TSHZ2: variants seen among roughly 807,000 people sequenced by gnomAD.
TSHZ2 encodes the protein teashirt zinc finger homeobox 2, also known as teashirt homolog 2.
In TSHZ2, 21 loss-of-function variants were observed where a neutral mutation model predicts 74.4. The observed-to-expected ratio is 0.28, with a 90% CI of 0.20 to 0.41. The LOEUF is 0.41. Among genes scored for constraint, TSHZ2 ranks in the 10% least tolerant of loss-of-function variants. The probability of loss-of-function intolerance (pLI) is 1.00; values close to 1 mark genes in which losing one functional copy is unlikely to be tolerated. For synonymous variants in TSHZ2, 540 were observed against 515.3 expected (o/e 1.05, Z -0.65); for missense variants, 1,244 against 1,293.5 (o/e 0.96, Z 0.59).
At chr20:53,022,397 A>G (rs1983277196) in intron 1 of TSHZ2, among the ~76,000 whole-genome samples, 1 of 152,210 alleles carries the variant, frequency 6.6e-6, no homozygotes, top group Non-Finnish European at 1.5e-5. Context: ...GTCAACGTGC[A>G]GTAAACTAGC....
At chr20:53,178,881 T>C (rs1254127545) in intron 1 of TSHZ2, 1 of 152,262 alleles carries the variant, frequency 6.6e-6, no homozygotes, top group South Asian at 2.1e-4. Context: ...TTTTCTTCTA[T>C]AGGAATTCCT....
chr20:53,137,700 T>C (rs1987282502), intron 1 of TSHZ2, among the ~76,000 whole-genome samples: 1 of 152,150 alleles, frequency 6.6e-6, no homozygotes, highest in Non-Finnish European at 1.5e-5. Flanking sequence ...CTCTAGCTGA[T>C]CTCTGTGCAC....
At chr20:53,070,377 T>G (rs2123194857) in intron 1 of TSHZ2, among the ~76,000 whole-genome samples, 1 of 152,328 alleles carries the variant, frequency 6.6e-6, no homozygotes, top group Non-Finnish European at 1.5e-5. Context: ...TAGCTGCCAA[T>G]TTTGTGAACT....
In TSHZ2 at chr20:53,255,630, C is replaced by G. The variant is rs751777308; in HGVS notation, c.2172C>G (p.Ser724Arg). The G allele has an allele frequency of 3.2e-6, 5 of 1,576,562 alleles. No individual in the cohort carries two copies. The highest frequency in any genetic ancestry group is 1.8e-5 in the Admixed American group (1 of 54,990). Residue 724 changes from serine (S) to arginine (R), a missense_variant, in exon 2 of 3, where the codon AGC becomes AGG. This residue lies in a region of TSHZ2 where 562 missense variants were observed against 544.0 expected (regional missense o/e 1.03). Transcript: ENST00000371497. The surrounding 1 kb of genome is among the most constrained non-coding windows in gnomAD (Gnocchi z 4.1). ...RSPSCSSPSS[S>R]TISMFHKSNL... ...CTTCCTGCTCCAGCCCAAGTTCAAG[C>G]ACAATTTCCATGTTCCACAAGTCGA...
intron 1 of TSHZ2, among the ~76,000 whole-genome samples, chr20:53,110,638 A>G (rs1453091660): frequency 2.6e-5 from 4 of 152,218 alleles, no homozygotes; most frequent in African/African-American, 9.6e-5. Context: ...GGGATATGAG[A>G]TAAAGAGTAC....
chr20:53,056,955 C>T (rs1412914736), intron 1 of TSHZ2, among the ~76,000 whole-genome samples: 1 of 152,182 alleles, frequency 6.6e-6, no homozygotes, highest in Non-Finnish European at 1.5e-5. Context: ...TGAATTGTAG[C>T]TCCCATAATT....
chr20:53,410,191 T>C (rs1368483117), intron 2 of TSHZ2, among the ~76,000 whole-genome samples: 1 of 152,096 alleles, frequency 6.6e-6, no homozygotes, highest in African/African-American at 2.4e-5. Flanking sequence ...AGAGGGCGCA[T>C]CCCAGGATGA....
intron 1 of TSHZ2, among the ~76,000 whole-genome samples, chr20:53,195,503 G>A (rs1988842048): frequency 6.6e-6 from 1 of 152,138 alleles, no homozygotes; most frequent in African/African-American, 2.4e-5. Flanking sequence ...TCCTCAGATG[G>A]TGCTTGAGGG....
intron 2 of TSHZ2, among the ~76,000 whole-genome samples, chr20:53,289,100 A>G (rs1024890425): frequency 1.8e-4 from 27 of 152,340 alleles, no homozygotes; most frequent in African/African-American, 6.5e-4. Context: ...CGTCACTTAG[A>G]ATAATGGTCT....
chr20:53,089,346 A>T (rs1357762063), intron 1 of TSHZ2, among the ~76,000 whole-genome samples: 1 of 126,178 alleles, frequency 7.9e-6, no homozygotes, highest in South Asian at 2.7e-4. Context: ...TTTTTTATTA[A>T]ACAGAGTTTT....
chr20:53,269,461 T>C (rs1990786504), intron 2 of TSHZ2, among the ~76,000 whole-genome samples: 1 of 152,202 alleles, frequency 6.6e-6, no homozygotes, highest in African/African-American at 2.4e-5. Flanking sequence ...CCAGCCACCT[T>C]GCAAAGCCCC....
intron 2 of TSHZ2, among the ~76,000 whole-genome samples, chr20:53,455,646 C>T (rs1985037170): frequency 6.6e-6 from 1 of 151,994 alleles, no homozygotes; most frequent in Admixed American, 6.6e-5. Context: ...ATGTGCCATG[C>T]TGGTGTGCTG....
chr20:53,438,613 A>C (rs543750926), intron 2 of TSHZ2, among the ~76,000 whole-genome samples: 1 of 152,306 alleles, frequency 6.6e-6, no homozygotes, highest in African/African-American at 2.4e-5. Flanking sequence ...AAGTGGGGTG[A>C]GCCCTATGGG....
intron 1 of TSHZ2, among the ~76,000 whole-genome samples, chr20:53,242,274 G>A (rs1336268213): frequency 1.3e-5 from 2 of 152,096 alleles, no homozygotes; most frequent in East Asian, 1.9e-4. Context: ...AACCAAAAAT[G>A]TCCTCAAACG....
chr20:53,456,884 T>A (rs1211091968), intron 2 of TSHZ2, among the ~76,000 whole-genome samples: 2 of 62,288 alleles, frequency 3.2e-5, no homozygotes, highest in Non-Finnish European at 5.9e-5. Flanking sequence ...GCGGCATTAT[T>A]TCTGAGGGCT....
chr20:53,371,958 C>G (rs1333474754), intron 2 of TSHZ2, among the ~76,000 whole-genome samples: 1 of 151,934 alleles, frequency 6.6e-6, no homozygotes, highest in Non-Finnish European at 1.5e-5. Flanking sequence ...CTGCCTCTAA[C>G]TTCCCCGTGA....
rs1979042004 is a variant in TSHZ2 at position 53,316,773 on chromosome 20, T to C, written c.*8+60202T>C. Among the ~76,000 whole-genome samples, 4 of 152,160 alleles carry C rather than the reference T, an allele frequency of 2.6e-5. No individual in the cohort carries two copies. In the South Asian group the frequency reaches 8.3e-4, roughly 32 times the overall value. ...TTAAGTAGTTGCTACAGGACCCGTA[T>C]CACCCACAAGGCTGACACTATTTAC... is the stretch of plus-strand genomic sequence containing the variant. On this transcript the variant is annotated intron_variant, in intron 2 of 2. Coordinates refer to ENST00000371497, the MANE Select transcript of TSHZ2 (RefSeq NM_173485.6).
At chr20:53,361,882 T>TTTG (rs1032804206) in intron 2 of TSHZ2, among the ~76,000 whole-genome samples, 6 of 150,308 alleles carry the variant, frequency 4.0e-5, no homozygotes, top group South Asian at 2.2e-4. Flanking sequence ...TTGGTTTTCT[T>TTTG]TTGTTGTTGT....
intron 2 of TSHZ2, among the ~76,000 whole-genome samples, chr20:53,403,390 G>A (rs1454264925): frequency 6.6e-6 from 1 of 152,194 alleles, no homozygotes; most frequent in African/African-American, 2.4e-5. Context: ...CACTTTACCT[G>A]AAGTTTCTCT....
Sources: allele counts gnomAD v4.1 joint callset (sites outside exome capture counted in the v4.1 genomes callset), GRCh38; gene constraint gnomAD v4.1.1; regional missense constraint gnomAD v4.1.1; non-coding constraint Gnocchi (gnomAD v3.1); transcripts MANE v1.5; gene names NCBI Gene and HGNC (gene_info 2026-07-23, HGNC 2026-07-21).